Variants in SGSM1 observed in about 807,000 individuals in gnomAD.
The protein encoded by SGSM1 is small G protein signaling modulator 1.
Under a neutral mutation model 133.8 loss-of-function variants are expected in SGSM1, and 73 were observed. That is an observed-to-expected ratio of 0.55 (90% CI 0.45 to 0.66). SGSM1 has a LOEUF of 0.66. Among genes scored for constraint, SGSM1 ranks in the 30% least tolerant of loss-of-function variants. The pLI, the probability that SGSM1 is intolerant of heterozygous loss-of-function variation, is 0.00. For missense variants in SGSM1, 1,213 were observed against 1,448.1 expected, an observed-to-expected ratio of 0.84 and a Z score of 2.64; for synonymous variants, 563 against 573.0, an observed-to-expected ratio of 0.98 and a Z score of 0.25.
intron 2 of SGSM1, among the ~76,000 whole-genome samples, chr22:24,834,953 A>G (rs1185378952): frequency 6.6e-6 from 1 of 151,886 alleles, no homozygotes; most frequent in African/African-American, 2.4e-5. Context: ...TGATGTTGTG[A>G]GGCAAGGTAG....
intron 21 of SGSM1, among the ~76,000 whole-genome samples, chr22:24,911,439 G>A (rs1373371730): frequency 6.6e-6 from 1 of 151,796 alleles, no homozygotes; most frequent in Non-Finnish European, 1.5e-5. Context: ...TTACAGGCAT[G>A]AACTACCATG....
intron 12 of SGSM1, among the ~76,000 whole-genome samples, chr22:24,874,941 G>T (rs549128591): frequency 2.0e-5 from 3 of 152,234 alleles, no homozygotes; most frequent in African/African-American, 7.2e-5. Context: ...TAGCTCATGG[G>T]TGAGTCTACA....
intron 23 of SGSM1, 133 bp from the exon 24 acceptor site, chr22:24,919,693 T>C (rs5760732): frequency 0.25 from 212,971 of 864,162 alleles, 28,726 homozygotes; most frequent in East Asian, 0.53. Context: ...CTGAGTTCTA[T>C]CCACTGCACC....
chr22:24,881,341 C>T lies in SGSM1; in HGVS notation c.1495+1815C>T, dbSNP rs1387387975. 6.8e-5 allele frequency among the ~76,000 whole-genome samples: 10 copies of T among 146,124 alleles called. 2 individuals are homozygous for T. The highest frequency in any genetic ancestry group is 3.5e-3 in the Middle Eastern group (1 of 286). On this transcript the variant is annotated intron_variant, in intron 14 of 24. Coordinates refer to ENST00000400358, the MANE Select transcript of SGSM1 (RefSeq NM_001098497.3). ...CAGCACTTTGGGAGGCCTAGGTGGGCGGATCACGAGGTCAGGAGATTGAAA... is the reference window on the plus strand; with the variant it reads ...CAGCACTTTGGGAGGCCTAGGTGGGTGGATCACGAGGTCAGGAGATTGAAA...
At chr22:24,852,970 TG>T (rs1569148240) in intron 5 of SGSM1, among the ~76,000 whole-genome samples, 1 of 152,274 alleles carries the variant, frequency 6.6e-6, no homozygotes, top group South Asian at 2.1e-4. Flanking sequence ...GGAAGACTCT[TG>T]GGGGGTAAGA....
At chr22:24,819,161 A>C (rs985464633) in intron 2 of SGSM1, among the ~76,000 whole-genome samples, 1 of 150,374 alleles carries the variant, frequency 6.7e-6, no homozygotes, top group African/African-American at 2.4e-5. Context: ...AAAAAAAACA[A>C]TAATCACAAC....
At chr22:24,843,694 G>A (rs986980721) in intron 2 of SGSM1, 2 of 152,244 alleles carry the variant, frequency 1.3e-5, no homozygotes, top group African/African-American at 4.8e-5. Flanking sequence ...AGAATCTAGT[G>A]GAGCAGAAGG....
chr22:24,830,949 G>C (rs573538881), intron 2 of SGSM1, among the ~76,000 whole-genome samples: 12 of 152,262 alleles, frequency 7.9e-5, no homozygotes, highest in African/African-American at 2.9e-4. Flanking sequence ...GGACAGGGCT[G>C]TGATTCCTTC....
intron 2 of SGSM1, among the ~76,000 whole-genome samples, chr22:24,824,054 G>A (rs1183350322): frequency 2.0e-5 from 3 of 152,208 alleles, no homozygotes; most frequent in Non-Finnish European, 1.5e-5. Flanking sequence ...TGGGATTCTG[G>A]GAGTCTGATT....
At chr22:24,892,950 A>C (rs1932840274) in intron 16 of SGSM1, among the ~76,000 whole-genome samples, 1 of 151,476 alleles carries the variant, frequency 6.6e-6, no homozygotes, top group East Asian at 1.9e-4. Flanking sequence ...AGTCCCAGCT[A>C]CTCAGGAGGC....
At chr22:24,807,820 C>G (rs1041993635) in intron 2 of SGSM1, among the ~76,000 whole-genome samples, 1 of 151,480 alleles carries the variant, frequency 6.6e-6, no homozygotes, top group Non-Finnish European at 1.5e-5. Context: ...AGACAGCCAC[C>G]AAGGGCAGCC....
chr22:24,888,297 G>A (rs902862179), intron 16 of SGSM1, among the ~76,000 whole-genome samples: 7 of 152,152 alleles, frequency 4.6e-5, no homozygotes, highest in East Asian at 1.9e-4. Context: ...CTTCTCCTAC[G>A]ATTTATCCTA....
chr22:24,846,126 C>T (rs921194558), intron 3 of SGSM1, among the ~76,000 whole-genome samples: 5 of 149,866 alleles, frequency 3.3e-5, no homozygotes, highest in Middle Eastern at 3.4e-3. Context: ...GCAGCCTCAA[C>T]CTCCTGGGCT....
In SGSM1 at chr22:24,868,865, C is replaced by T; in HGVS notation, c.1291+10C>T. ...ATGCAGTCGGAATTCGGTGAGCTGC[C>T]CTGTCCCGGGCCCCGGGGAGTCACC... On this transcript the variant is annotated intron_variant, in intron 12 of 24. Transcript: ENST00000400358. 6.2e-7 allele frequency: 1 copy of T among 1,612,932 alleles called. No homozygotes were observed.
At chr22:24,852,547 G>A (rs1378613791) in intron 5 of SGSM1, among the ~76,000 whole-genome samples, 4 of 152,142 alleles carry the variant, frequency 2.6e-5, no homozygotes, top group African/African-American at 9.7e-5. Context: ...GTGTTCAAGC[G>A]ATTCTCATGC....
chr22:24,829,338 G>T (rs6004305), intron 2 of SGSM1, among the ~76,000 whole-genome samples: 1 of 151,970 alleles, frequency 6.6e-6, no homozygotes, highest in Non-Finnish European at 1.5e-5. Context: ...TGATGAGAAC[G>T]TATGGACACA....
chr22:24,829,607 T>A (rs1024501720), intron 2 of SGSM1, among the ~76,000 whole-genome samples: 1 of 152,214 alleles, frequency 6.6e-6, no homozygotes, highest in African/African-American at 2.4e-5. Flanking sequence ...CAGCTTCTGC[T>A]GTGAGGCAAG....
chr22:24,842,640 A>G (rs145606046), intron 2 of SGSM1, among the ~76,000 whole-genome samples: 2 of 152,226 alleles, frequency 1.3e-5, no homozygotes, highest in East Asian at 3.9e-4. Flanking sequence ...GTACTGACCA[A>G]ATGTTACACG....
At chr22:24,878,977 G>C (rs932199732) in intron 13 of SGSM1, among the ~76,000 whole-genome samples, 24 of 152,168 alleles carry the variant, frequency 1.6e-4, no homozygotes, top group Non-Finnish European at 1.9e-4. Context: ...TCAGCTCTTG[G>C]CTCTGCTTGC....
Sources: allele counts gnomAD v4.1 joint callset (sites outside exome capture counted in the v4.1 genomes callset), GRCh38; gene constraint gnomAD v4.1.1; transcripts MANE v1.5; gene names NCBI Gene and HGNC (gene_info 2026-07-23, HGNC 2026-07-21).